ANTXRL: variants seen among roughly 807,000 people sequenced by gnomAD.
ANTXRL encodes the protein ANTXR like, also known as anthrax toxin receptor-like.
A neutral mutation model predicts 75.4 loss-of-function variants in ANTXRL; 63 were observed. The ratio of observed to expected loss-of-function variants is 0.84; its 90% CI spans 0.68 to 1.03. The LOEUF (loss-of-function observed/expected upper bound fraction) is 1.03, where lower values mean the gene tolerates loss of function less well. Ranked by LOEUF, ANTXRL falls within the 50% of genes least tolerant of loss-of-function variation. The pLI, the probability that ANTXRL is intolerant of heterozygous loss-of-function variation, is 0.00. For missense variants in ANTXRL, 797 were observed against 789.4 expected (o/e 1.01, Z -0.12); for synonymous variants, 335 against 291.3 (o/e 1.15, Z -1.53).
At chr10:46,311,829 C>G (rs1267978559) in intron 15 of ANTXRL, among the ~76,000 whole-genome samples, 164 bp downstream of exon 15, 6 of 152,150 alleles carry the variant, frequency 3.9e-5, no homozygotes, top group African/African-American at 1.4e-4. Context: ...GCCCACCTCA[C>G]CCTCGTGCCC....
chr10:46,313,992 T>G (rs555841381), intron 16 of ANTXRL, among the ~76,000 whole-genome samples: 1 of 152,340 alleles, frequency 6.6e-6, no homozygotes, highest in South Asian at 2.1e-4. Context: ...AGAGCCCTGC[T>G]TCTGGCTCGG....
intron 7 of ANTXRL, among the ~76,000 whole-genome samples, 161 bp from the exon 8 acceptor site, chr10:46,297,670 G>A (rs1837464901): frequency 1.3e-5 from 2 of 152,114 alleles, no homozygotes; most frequent in South Asian, 4.2e-4. Flanking sequence ...AGAGCTCCCC[G>A]CTCCCTAAGA....
At position 46,297,425 on chromosome 10, in the gene ANTXRL, T is replaced by C; in HGVS notation, c.605T>C (p.Leu202Pro). Reference protein sequence around the residue: ...TLREAQKARKLGANVYTLGVA... With the variant: ...TLREAQKARKPGANVYTLGVA... The stretch of plus-strand genomic sequence containing the variant: ...CCTTAGGCTCAAAAGGCTCGGAAAC[T>C]GGGGGCCAACGTTTACACCCTGGGT... Residue 202 changes from leucine (L) to proline (P), a missense_variant, in exon 7 of 17, where the codon CTG (leucine) becomes CCG (proline). By Grantham distance (98) the Leu-to-Pro change is moderately conservative. Transcript: ENST00000620264. 1 of 1,535,902 alleles carries C rather than the reference T, an allele frequency of 6.5e-7. No homozygotes were observed. Among genetic ancestry groups the C allele is most frequent in the Non-Finnish European group, 8.7e-7 (1 of 1,146,764 alleles).
intron 2 of ANTXRL, among the ~76,000 whole-genome samples, chr10:46,293,319 C>CAT (rs1837117846): frequency 1.0e-5 from 1 of 97,636 alleles, no homozygotes; most frequent in Non-Finnish European, 2.1e-5. Flanking sequence ...TGCGTGTGTG[C>CAT]CTGTGTGTGA....
intron 10 of ANTXRL, among the ~76,000 whole-genome samples, chr10:46,304,945 G>GCA (rs1341777308): frequency 2.0e-5 from 3 of 152,206 alleles, no homozygotes; most frequent in African/African-American, 7.2e-5. Context: ...ACACAGGCCA[G>GCA]CACCGACGTC....
chr10:46,297,600 A>T, intron 7 of ANTXRL, 126 bp downstream of exon 7: 1 of 974,306 alleles, frequency 1.0e-6, no homozygotes, highest in Non-Finnish European at 1.5e-6. Flanking sequence ...ACTCATGGCC[A>T]CTGCAGAAGT....
intron 3 of ANTXRL, chr10:46,294,128 C>T: frequency 1.8e-6 from 1 of 554,492 alleles, no homozygotes; most frequent in Non-Finnish European, 3.2e-6. Context: ...AAGTTCTCAG[C>T]CTCCCCCACT....
intron 3 of ANTXRL, chr10:46,294,106 C>G (rs1554957796): frequency 3.5e-6 from 2 of 572,264 alleles, no homozygotes; most frequent in Non-Finnish European, 6.2e-6. Context: ...CCTGCAGGCC[C>G]CTGTGCTCCA....
intron 16 of ANTXRL, among the ~76,000 whole-genome samples, chr10:46,326,122 AG>A (rs1839199910): frequency 6.6e-6 from 1 of 151,600 alleles, no homozygotes; most frequent in South Asian, 2.1e-4. Flanking sequence ...TCATGCTAAA[AG>A]GGTTATTTAT....
intron 16 of ANTXRL, among the ~76,000 whole-genome samples, 155 bp from the exon 17 acceptor site, chr10:46,329,444 G>A (rs1347458913): frequency 6.6e-6 from 1 of 152,106 alleles, no homozygotes; most frequent in Non-Finnish European, 1.5e-5. Flanking sequence ...CCAGGCTGGA[G>A]GCAGCACCAA....
chr10:46,290,606 T>C (rs1554956206), intron 1 of ANTXRL, among the ~76,000 whole-genome samples: 1 of 152,166 alleles, frequency 6.6e-6, no homozygotes, highest in African/African-American at 2.4e-5. Flanking sequence ...TATTTTCTGG[T>C]TTTTGATAAT....
At chr10:46,294,807 G>C (rs12768017) in intron 3 of ANTXRL, among the ~76,000 whole-genome samples, 58,101 of 149,382 alleles carry the variant, frequency 0.39, 10,252 homozygotes, top group Non-Finnish European at 0.46. Context: ...GTATGGATGG[G>C]TCTGGCCTCC....
chr10:46,307,539 G>T, intron 12 of ANTXRL, 59 bp downstream of exon 12: 4 of 1,443,686 alleles, frequency 2.8e-6, no homozygotes, highest in Non-Finnish European at 3.8e-6. Context: ...CTCTGCACTA[G>T]AAGGAGCACA....
intron 10 of ANTXRL, among the ~76,000 whole-genome samples, chr10:46,306,252 A>G (rs1554961846): frequency 6.6e-6 from 1 of 152,214 alleles, no homozygotes; most frequent in Non-Finnish European, 1.5e-5. Flanking sequence ...AACACTACAC[A>G]AAATAACAAG....
Position 46,302,726 on chromosome 10 carries a change from C to T in ANTXRL, c.801C>T (p.Pro267=), listed in dbSNP as rs1554960862. Residue 267 remains proline, a synonymous_variant, in exon 10 of 17, where the codon CCC becomes CCT. Coordinates refer to ENST00000620264, the MANE Select transcript of ANTXRL (RefSeq NM_001278688.3). ...TTTTGAATGTTGTCCTTGCAGAACC[C>T]TACCATGTGGTTATTCATGGAAATG... The part of the protein sequence containing the change: ...VEPSSECVGE[P]YHVVIHGNGF... 1 of 1,535,118 alleles carries T rather than the reference C, an allele frequency of 6.5e-7. No individual in the cohort carries two copies. The highest frequency in any genetic ancestry group is 1.4e-5 in the African/African-American group (1 of 73,088).
At chr10:46,316,296 A>T (rs1458896109) in intron 16 of ANTXRL, among the ~76,000 whole-genome samples, 1 of 152,104 alleles carries the variant, frequency 6.6e-6, no homozygotes. Flanking sequence ...GCTGCCATTC[A>T]TATAGATCTT....
chr10:46,291,665 ATGCT>A (rs1836990335), intron 1 of ANTXRL, among the ~76,000 whole-genome samples: 1 of 152,024 alleles, frequency 6.6e-6, no homozygotes, highest in Admixed American at 6.6e-5. Context: ...GTTCTGTTTG[ATGCT>A]ATCATAAATG....
In ANTXRL at chr10:46,330,066, C is replaced by CT; in HGVS notation, c.1879dup (p.Ser627PhefsTer?). On this transcript the variant is annotated frameshift_variant, in exon 17 of 17. Coordinates refer to ENST00000620264, the MANE Select transcript of ANTXRL (RefSeq NM_001278688.3). LOFTEE classifies it high-confidence loss of function. ...CAGAACCCCCTTTGTCACTCCCCCC[C>CT]TCAGAGCCCAACTTCTAAGGCACCA... 6.6e-7 allele frequency: 1 copy of CT among 1,519,094 alleles called. No individual in the cohort carries two copies. The highest frequency in any genetic ancestry group is 8.8e-7 in the Non-Finnish European group (1 of 1,136,418). 94.1% of individuals were successfully genotyped at this position (1,519,094 alleles called of 1,614,324 possible).
chr10:46,317,670 C>G (rs782235310), intron 16 of ANTXRL, among the ~76,000 whole-genome samples: 3 of 152,052 alleles, frequency 2.0e-5, no homozygotes, highest in Non-Finnish European at 4.4e-5. Context: ...TTACAGAGAG[C>G]CTTCCCTTCG....
Sources: gnomAD v4.1 joint callset for allele counts (sites outside exome capture counted in the v4.1 genomes callset) on GRCh38, gnomAD v4.1.1 for gene constraint, MANE v1.5 for transcripts, NCBI Gene and HGNC (gene_info 2026-07-23, HGNC 2026-07-21) for gene names.